The following TXNDC16 variants were observed in gnomAD, a reference collection of about 807,000 sequenced individuals.
TXNDC16 encodes the protein thioredoxin domain containing 16.
Under a neutral mutation model 85.6 loss-of-function variants are expected in TXNDC16, and 74 were observed. The ratio of observed to expected loss-of-function variants is 0.86; its 90% CI spans 0.72 to 1.05. The LOEUF is 1.05. TXNDC16 is among the 50% of genes least tolerant of loss of function. The pLI, the probability that TXNDC16 is intolerant of heterozygous loss-of-function variation, is 0.00. For missense variants in TXNDC16, 959 were observed against 947.0 expected, an observed-to-expected ratio of 1.01 and a Z score of -0.17; for synonymous variants, 335 against 326.5, an observed-to-expected ratio of 1.03 and a Z score of -0.28.
chr14:52,519,433 T>C (rs1481301933), intron 6 of TXNDC16, 140 bp from the exon 7 acceptor site: 4 of 620,590 alleles, frequency 6.4e-6, no homozygotes, highest in Non-Finnish European at 1.1e-5. Flanking sequence ...AGCATTTTAA[T>C]AATACTAAAT....
intron 8 of TXNDC16, among the ~76,000 whole-genome samples, chr14:52,514,585 A>T (rs1057470140): frequency 1.3e-5 from 2 of 152,228 alleles, no homozygotes; most frequent in South Asian, 2.1e-4. Flanking sequence ...CCCCTATCTG[A>T]TCACCGCAGG....
chr14:52,432,941 T>C (rs1053553276), intron 20 of TXNDC16, among the ~76,000 whole-genome samples: 6 of 152,200 alleles, frequency 3.9e-5, no homozygotes, highest in African/African-American at 1.4e-4. Context: ...TGTAAAACGT[T>C]AAATGAAAAA....
intron 14 of TXNDC16, among the ~76,000 whole-genome samples, chr14:52,474,314 C>T (rs2035971989): frequency 6.6e-6 from 1 of 152,178 alleles, no homozygotes; most frequent in African/African-American, 2.4e-5. Flanking sequence ...ATTTTCTCCT[C>T]CTTTGCTTTT....
At chr14:52,442,519 A>T (rs1236741608) in intron 18 of TXNDC16, among the ~76,000 whole-genome samples, 4 of 152,200 alleles carry the variant, frequency 2.6e-5, no homozygotes, top group Non-Finnish European at 4.4e-5. Context: ...ATTCTGGCAT[A>T]TAACTTTCCC....
chr14:52,526,231 A>T (rs2037332226), intron 6 of TXNDC16, among the ~76,000 whole-genome samples: 1 of 152,142 alleles, frequency 6.6e-6, no homozygotes, highest in South Asian at 2.1e-4. Flanking sequence ...TATAAATCCA[A>T]ATTCTCATTT....
At chr14:52,524,653 G>C (rs1466354577) in intron 6 of TXNDC16, among the ~76,000 whole-genome samples, 1 of 152,048 alleles carries the variant, frequency 6.6e-6, no homozygotes, top group Non-Finnish European at 1.5e-5. Context: ...CACCATGCCT[G>C]GCTAAATTCT....
At chr14:52,505,334 C>G (rs186890939) in intron 9 of TXNDC16, among the ~76,000 whole-genome samples, 6 of 152,306 alleles carry the variant, frequency 3.9e-5, no homozygotes, top group African/African-American at 1.4e-4. Context: ...AAGCACTCCT[C>G]AGCAATGTAA....
chr14:52,479,108 C>A (rs895231090), intron 14 of TXNDC16, among the ~76,000 whole-genome samples: 3 of 152,076 alleles, frequency 2.0e-5, no homozygotes, highest in Non-Finnish European at 4.4e-5. Flanking sequence ...CGATAAAATC[C>A]AGCATTCCTT....
chr14:52,488,266 T>C (rs2036315061), intron 12 of TXNDC16, 97 bp downstream of exon 12: 2 of 1,456,994 alleles, frequency 1.4e-6, no homozygotes, highest in South Asian at 2.5e-5. Flanking sequence ...GTCTTGAATC[T>C]GAACACATTC....
At chr14:52,521,769 T>G (rs1040701338) in intron 6 of TXNDC16, among the ~76,000 whole-genome samples, 1 of 152,192 alleles carries the variant, frequency 6.6e-6, no homozygotes, top group African/African-American at 2.4e-5. Context: ...CTGAGCAGTA[T>G]TCACTATGTG....
chr14:52,546,593 T>A (rs576178983), intron 1 of TXNDC16, among the ~76,000 whole-genome samples: 1 of 152,320 alleles, frequency 6.6e-6, no homozygotes. Flanking sequence ...AGTCTTCTGC[T>A]GCAGTCAAGA....
chr14:52,517,754 C>T (rs919483066), intron 7 of TXNDC16, among the ~76,000 whole-genome samples: 8 of 152,118 alleles, frequency 5.3e-5, no homozygotes, highest in Admixed American at 6.5e-5. Context: ...ACATCTTTCT[C>T]GTTAACATAC....
chr14:52,510,029 T>C (rs966264328), intron 9 of TXNDC16, among the ~76,000 whole-genome samples: 2 of 151,356 alleles, frequency 1.3e-5, no homozygotes, highest in Non-Finnish European at 2.9e-5. Context: ...CCCATAAAAT[T>C]GTGGTGGCAA....
chr14:52,530,164 ATAT>A (rs1414187407), intron 6 of TXNDC16, among the ~76,000 whole-genome samples: 3 of 86,772 alleles, frequency 3.5e-5, no homozygotes, highest in Non-Finnish European at 5.9e-5. Flanking sequence ...TAATTTATAT[ATAT>A]TATATTATAT....
At chr14:52,455,177 TA>T in intron 18 of TXNDC16, 146 bp downstream of exon 18, 1 of 890,720 alleles carries the variant, frequency 1.1e-6, no homozygotes, top group Non-Finnish European at 1.7e-6. Flanking sequence ...GACTGAACAA[TA>T]AAACAGAACA....
chr14:52,457,207 AC>A, intron 16 of TXNDC16, 33 bp from the exon 17 acceptor site: 1 of 1,296,904 alleles, frequency 7.7e-7, no homozygotes, highest in Non-Finnish European at 1.1e-6. Flanking sequence ...AAAATCTGAA[AC>A]CTTTATAATT....
intron 19 of TXNDC16, among the ~76,000 whole-genome samples, chr14:52,440,235 T>C (rs958780405): frequency 1.4e-4 from 22 of 152,198 alleles, no homozygotes; most frequent in African/African-American, 4.8e-4. Flanking sequence ...TTTAAAAATA[T>C]AGAAGTACAG....
chr14:52,433,046 T>C (rs2034942803), intron 20 of TXNDC16, among the ~76,000 whole-genome samples: 2 of 152,176 alleles, frequency 1.3e-5, no homozygotes, highest in South Asian at 2.1e-4. Flanking sequence ...TTATTTATTA[T>C]AGAGTTATTT....
Position 52,541,406 on chromosome 14 carries a change from C to T in TXNDC16, c.243+965G>A, listed in dbSNP as rs142826127. 1.1e-3 allele frequency among the ~76,000 whole-genome samples: 173 copies of T among 152,322 alleles called. 1 individual carries two copies. Among genetic ancestry groups the T allele is most frequent in the Middle Eastern group, 0.01 (3 of 294 alleles). On this transcript the variant is annotated intron_variant, in intron 4 of 20. Transcript: ENST00000281741. ...TGAGTTTCCTACCAACCTACTACTT[C>T]ATTTCTAAGTTTCAATTTAAAATTT...
Sources: gnomAD v4.1 joint callset for allele counts (sites outside exome capture counted in the v4.1 genomes callset) on GRCh38, gnomAD v4.1.1 for gene constraint, MANE v1.5 for transcripts, NCBI Gene and HGNC (gene_info 2026-07-23, HGNC 2026-07-21) for gene names.